NCAM2: variants seen among roughly 807,000 people sequenced by gnomAD.
NCAM2 encodes the protein neural cell adhesion molecule 2, also known as N-CAM-2.
Under a neutral mutation model 98.1 loss-of-function variants are expected in NCAM2, and 30 were observed. The observed-to-expected ratio is 0.31, with a 90% confidence interval of 0.23 to 0.41. The LOEUF is 0.41. Among genes scored for constraint, NCAM2 ranks in the 10% least tolerant of loss-of-function variants. The pLI is 1.00. For missense variants in NCAM2, 867 were observed against 1,005.8 expected, an observed-to-expected ratio of 0.86 and a Z score of 1.87; for synonymous variants, 368 against 342.4, an observed-to-expected ratio of 1.07 and a Z score of -0.83.
chr21:21,221,104 T>G (rs4816846), intron 1 of NCAM2, among the ~76,000 whole-genome samples: 90,197 of 151,960 alleles, frequency 0.59, 26,876 homozygotes, highest in South Asian at 0.64. Context: ...AGATAAAATT[T>G]TAATTGTTTT....
chr21:21,398,241 A>G (rs549818289), intron 9 of NCAM2, among the ~76,000 whole-genome samples: 1 of 152,290 alleles, frequency 6.6e-6, no homozygotes. Flanking sequence ...GAATGATACA[A>G]TGGACTTTGG....
intron 1 of NCAM2, among the ~76,000 whole-genome samples, chr21:21,140,274 G>A (rs995724630): frequency 6.6e-6 from 1 of 152,066 alleles, no homozygotes; most frequent in Non-Finnish European, 1.5e-5. Flanking sequence ...AGTTTGGTGG[G>A]ATATAAAGAC....
chr21:21,536,334 A>C (rs1335397992), intron 17 of NCAM2, among the ~76,000 whole-genome samples: 1 of 151,852 alleles, frequency 6.6e-6, no homozygotes, highest in Non-Finnish European at 1.5e-5. Context: ...TGTAACTTTC[A>C]CTCCATTATA....
intron 12 of NCAM2, among the ~76,000 whole-genome samples, chr21:21,433,764 A>ATAAAATAAAATAAAAT: frequency 6.7e-6 from 1 of 148,392 alleles, no homozygotes; most frequent in African/African-American, 2.5e-5. Flanking sequence ...ATAAAATAAA[A>ATAAAATAAAATAAAAT]TAAAATAAAA....
At chr21:21,323,635 A>T (rs2074434451) in intron 5 of NCAM2, among the ~76,000 whole-genome samples, 3 of 152,198 alleles carry the variant, frequency 2.0e-5, no homozygotes, top group African/African-American at 4.8e-5. Context: ...TATTGCAAAC[A>T]GTGCATTTCA....
chr21:21,130,540 T>C (rs191057032), intron 1 of NCAM2, among the ~76,000 whole-genome samples: 1 of 152,228 alleles, frequency 6.6e-6, no homozygotes, highest in Non-Finnish European at 1.5e-5. Flanking sequence ...CAAAGAAGTA[T>C]ATATAATTAC....
chr21:21,470,335 T>A (rs185944372), intron 14 of NCAM2, among the ~76,000 whole-genome samples: 1 of 152,108 alleles, frequency 6.6e-6, no homozygotes. Context: ...TTTCTTTAAA[T>A]GTGGATTAGA....
chr21:21,401,528 T>C (rs1399178958), intron 9 of NCAM2, among the ~76,000 whole-genome samples: 1 of 152,206 alleles, frequency 6.6e-6, no homozygotes. Flanking sequence ...TTGACTGTTT[T>C]TTATTCCACA....
intron 1 of NCAM2, among the ~76,000 whole-genome samples, chr21:21,150,754 G>A (rs2067423227): frequency 6.6e-6 from 1 of 151,656 alleles, no homozygotes; most frequent in Non-Finnish European, 1.5e-5. Flanking sequence ...ATTAGTGATG[G>A]TATTGTTTTC....
chr21:21,015,870 A>T (rs1053028851), intron 1 of NCAM2, among the ~76,000 whole-genome samples: 2 of 148,852 alleles, frequency 1.3e-5, no homozygotes, highest in Non-Finnish European at 3.0e-5. Context: ...TGCCTGGCTA[A>T]TTTTTTTTTT....
chr21:21,379,521 A>T (rs546948017), intron 9 of NCAM2, among the ~76,000 whole-genome samples: 1 of 152,108 alleles, frequency 6.6e-6, no homozygotes, highest in East Asian at 1.9e-4. Context: ...GCTCATAGTT[A>T]TGTACAAGAA....
intron 15 of NCAM2, among the ~76,000 whole-genome samples, chr21:21,506,505 C>A (rs927063025): frequency 5.3e-5 from 8 of 151,738 alleles, no homozygotes; most frequent in African/African-American, 1.9e-4. Flanking sequence ...TAGCATGAGG[C>A]AATAGTTCTT....
intron 1 of NCAM2, among the ~76,000 whole-genome samples, chr21:21,027,868 T>C (rs2064585070): frequency 6.6e-6 from 1 of 152,054 alleles, no homozygotes; most frequent in Non-Finnish European, 1.5e-5. Flanking sequence ...GTTTTTTTTT[T>C]TTTTTGAGAC....
At chr21:21,179,207 C>T (rs1027434039) in intron 1 of NCAM2, among the ~76,000 whole-genome samples, 7 of 151,450 alleles carry the variant, frequency 4.6e-5, no homozygotes, top group Admixed American at 1.3e-4. Context: ...AGCTTATGAA[C>T]CTTTATATCT....
chr21:21,416,850 C>A (rs2077004460), intron 10 of NCAM2, among the ~76,000 whole-genome samples: 1 of 151,964 alleles, frequency 6.6e-6, no homozygotes, highest in South Asian at 2.1e-4. Context: ...AAATAAGCTT[C>A]AGGGTACATG....
chr21:21,496,425 C>A (rs574666467), intron 15 of NCAM2, among the ~76,000 whole-genome samples: 1 of 151,994 alleles, frequency 6.6e-6, no homozygotes, highest in South Asian at 2.1e-4. Flanking sequence ...TTTTGAGAAG[C>A]GTCTGTCCAT....
chr21:21,017,083 G>T (rs2064324525), intron 1 of NCAM2, among the ~76,000 whole-genome samples: 1 of 152,110 alleles, frequency 6.6e-6, no homozygotes. Context: ...GTGTAAGGAG[G>T]CTTAGGAAAA....
chr21:21,167,979 C>T (rs1197816145), intron 1 of NCAM2, among the ~76,000 whole-genome samples: 2 of 151,904 alleles, frequency 1.3e-5, no homozygotes, highest in Admixed American at 6.6e-5. Flanking sequence ...TACCCTAATA[C>T]TAAATTACAT....
chr21:21,012,684 T>C (rs2064232546), intron 1 of NCAM2, among the ~76,000 whole-genome samples: 1 of 152,178 alleles, frequency 6.6e-6, no homozygotes, highest in African/African-American at 2.4e-5. Flanking sequence ...TGTTTCCTTT[T>C]ATTGCATTTC....
Sources: allele counts gnomAD v4.1 joint callset (sites outside exome capture counted in the v4.1 genomes callset), GRCh38; gene constraint gnomAD v4.1.1; transcripts MANE v1.5; gene names NCBI Gene and HGNC (gene_info 2026-07-23, HGNC 2026-07-21).